The following IST1 variants were observed in gnomAD, a reference collection of about 807,000 sequenced individuals.
IST1 encodes the protein IST1 factor associated with ESCRT-III, also known as IST1 homolog.
In IST1, 23 loss-of-function variants were observed where a neutral mutation model predicts 37.0. That is an observed-to-expected ratio of 0.62 (90% confidence interval 0.45 to 0.88). The LOEUF is 0.88. Ranked by LOEUF, IST1 falls within the 40% of genes least tolerant of loss-of-function variation. The pLI is 0.00. For synonymous variants in IST1, 180 were observed against 161.7 expected (o/e 1.11, Z -0.86); for missense variants, 488 against 445.4 (o/e 1.10, Z -0.86).
chr16:71,924,125 A>G (rs2142597504), intron 8 of IST1: 1 of 455,894 alleles, frequency 2.2e-6, no homozygotes, highest in Non-Finnish European at 4.4e-6. Flanking sequence ...AGTTTTTCTT[A>G]TGCTTTGGTT....
rs1253477423 is a variant in IST1, at chr16:71,917,145, G to C, written c.357+11G>C. On this transcript the variant is annotated intron_variant, in intron 4 of 9. Transcript: ENST00000378799. ...GCTGAGTTGAAAATAGTGAGTACAA[G>C]TAGTTTCAGTGATGTCTGTAGCTTT... 14 of 1,522,036 alleles carry C rather than the reference G, an allele frequency of 9.2e-6. No homozygotes were observed. Among genetic ancestry groups the C allele is most frequent in the Non-Finnish European group, 1.3e-5 (14 of 1,100,024 alleles). The allele number at this position is 1,522,036 out of a possible 1,614,324, so 94.3% of individuals were successfully genotyped here. A position where few individuals can be genotyped will look rare whatever the true frequency, so the allele number is the denominator to read the frequency against.
rs1286120666 is a variant in IST1, at chr16:71,922,623, G to A, written c.702G>A (p.Met234Ile). The change falls in exon 7 of 10, where the codon ATG becomes ATA. Residue 234 changes from methionine (M) to isoleucine (I), a missense_variant. Coordinates refer to ENST00000378799, the MANE Select transcript of IST1 (RefSeq NM_001270975.2). Reference protein sequence around the residue: ...PDGTVPMPMPMPMPMPSANTP... With the variant: ...PDGTVPMPMPIPMPMPSANTP... ...GAACGGTGCCAATGCCCATGCCCATGCCCATGCCTATGCCATCTGCAAATA... is the reference window on the plus strand; with the variant it reads ...GAACGGTGCCAATGCCCATGCCCATACCCATGCCTATGCCATCTGCAAATA... 2.5e-6 allele frequency: 4 copies of A among 1,612,046 alleles called. No homozygotes were observed. The highest frequency in any genetic ancestry group is 1.1e-5 in the South Asian group (1 of 90,396).
chr16:71,920,730 T>A lies in IST1; in HGVS notation c.358-9T>A. The A allele has an allele frequency of 6.2e-7, 1 of 1,610,526 alleles. No homozygotes were observed. Among genetic ancestry groups the A allele is most frequent in the Non-Finnish European group, 8.5e-7 (1 of 1,176,738 alleles). On this transcript the variant is annotated splice_polypyrimidine_tract_variant and intron_variant, in intron 4 of 9. Transcript: ENST00000378799. ...CTCTATTTTTATTTGCTGTCCTTTT[T>A]CTTTTTAGGTTGCTGATCAGCTCTG... is the stretch of plus-strand genomic sequence containing the variant.
intron 1 of IST1, among the ~76,000 whole-genome samples, chr16:71,900,913 GAC>G (rs1425744348): frequency 6.6e-6 from 1 of 152,160 alleles, no homozygotes; most frequent in Non-Finnish European, 1.5e-5. Flanking sequence ...GTGAGTGAAT[GAC>G]AGTAAAGATG....
At chr16:71,927,136 A>T (rs912112202) in intron 9 of IST1, among the ~76,000 whole-genome samples, 1 of 152,164 alleles carries the variant, frequency 6.6e-6, no homozygotes, top group Non-Finnish European at 1.5e-5. Context: ...AGGAAAGTAA[A>T]ACAGGATTCA....
chr16:71,906,616 C>A (rs996344031), intron 1 of IST1, among the ~76,000 whole-genome samples: 3 of 152,192 alleles, frequency 2.0e-5, no homozygotes. Flanking sequence ...CAGACCTGGC[C>A]CGCAATTCTT....
intron 2 of IST1, 139 bp downstream of exon 2, chr16:71,915,867 G>C (rs1369890722): frequency 1.8e-6 from 1 of 569,662 alleles, no homozygotes; most frequent in Non-Finnish European, 3.1e-6. Context: ...GTCTCACTCT[G>C]TCGCCCAGGA....
At chr16:71,901,953 A>G (rs1269479723) in intron 1 of IST1, among the ~76,000 whole-genome samples, 1 of 152,232 alleles carries the variant, frequency 6.6e-6, no homozygotes, top group Non-Finnish European at 1.5e-5. Flanking sequence ...AAAAGATATA[A>G]AGCATGCCTT....
At chr16:71,925,316 A>ATTTTTTTT (rs772300347) in intron 9 of IST1, among the ~76,000 whole-genome samples, 1 of 78,820 alleles carries the variant, frequency 1.3e-5, no homozygotes, top group African/African-American at 4.7e-5. Context: ...CCCCCAGCTG[A>ATTTTTTTT]TTTTTTTTTT....
At position 71,922,560 on chromosome 16, in the gene IST1, G is replaced by T. The variant is rs761961740; in HGVS notation, c.639G>T (p.Gly213=). 32 of 1,614,064 alleles carry T rather than the reference G, an allele frequency of 2.0e-5. No individual in the cohort carries two copies. Among genetic ancestry groups the T allele is most frequent in the Non-Finnish European group, 2.5e-5 (29 of 1,180,012 alleles). Residue 213 remains glycine (G), a synonymous_variant, in exon 7 of 10, where the codon GGG becomes GGT. Coordinates refer to ENST00000378799, the MANE Select transcript of IST1 (RefSeq NM_001270975.2). The part of the protein sequence containing the change: ...DVKKGGPGRG[G]SGGFTAPVGG... ...AGAAAGGAGGCCCTGGAAGAGGAGGGAGTGGTGGCTTCACAGCACCAGTTG... is the reference window on the plus strand; with the variant it reads ...AGAAAGGAGGCCCTGGAAGAGGAGGTAGTGGTGGCTTCACAGCACCAGTTG...
intron 2 of IST1, 146 bp downstream of exon 2, chr16:71,915,874 A>C: frequency 3.6e-6 from 2 of 561,892 alleles, no homozygotes; most frequent in Non-Finnish European, 6.3e-6. Context: ...TCTGTCGCCC[A>C]GGATGGAGTG....
At chr16:71,912,459 G>C (rs1001759192) in intron 1 of IST1, among the ~76,000 whole-genome samples, 23 of 152,078 alleles carry the variant, frequency 1.5e-4, no homozygotes, top group Admixed American at 1.5e-3. Flanking sequence ...GGATGGTCTC[G>C]ATCTCCTGAC....
At chr16:71,916,440 C>T (rs201160658) in intron 2 of IST1, 22 bp from the exon 3 acceptor site, 14 of 1,609,082 alleles carry the variant, frequency 8.7e-6, no homozygotes, top group Non-Finnish European at 6.8e-6. Flanking sequence ...GCTGTGAGAT[C>T]GGAGTGGGAT....
At chr16:71,907,316 C>T (rs1436489469) in intron 1 of IST1, among the ~76,000 whole-genome samples, 9 of 145,470 alleles carry the variant, frequency 6.2e-5, no homozygotes, top group African/African-American at 1.8e-4. Context: ...CTCTCTCTGT[C>T]GCCCATGCTG....
At position 71,924,824 on chromosome 16, in the gene IST1, A is replaced by G; in HGVS notation, c.901+7A>G. ...TCTTCTGCACAGATTGTTGGTGAGT[A>G]GTATCAATCAGAAACCTGCAGAGCT... On this transcript the variant is annotated splice_region_variant and intron_variant, in intron 9 of 9. Transcript: ENST00000378799. 1 of 1,590,470 alleles carries G rather than the reference A, an allele frequency of 6.3e-7. No individual in the cohort carries two copies. Among genetic ancestry groups the G allele is most frequent in the Non-Finnish European group, 8.6e-7 (1 of 1,158,450 alleles).
At chr16:71,910,696 C>A (rs929915146) in intron 1 of IST1, among the ~76,000 whole-genome samples, 1 of 151,910 alleles carries the variant, frequency 6.6e-6, no homozygotes. Context: ...GGTCTTGAAA[C>A]GTAACCCTTG....
chr16:71,915,200 T>C (rs1038764229), intron 1 of IST1, among the ~76,000 whole-genome samples: 7 of 152,200 alleles, frequency 4.6e-5, no homozygotes, highest in African/African-American at 1.4e-4. Flanking sequence ...TTGCCATCCC[T>C]GTTGAGATTT....
chr16:71,899,540 C>T (rs1490162425), intron 1 of IST1, among the ~76,000 whole-genome samples: 2 of 152,136 alleles, frequency 1.3e-5, no homozygotes, highest in African/African-American at 4.8e-5. Flanking sequence ...AGTGGTCATA[C>T]CAAAATTTGT....
At chr16:71,907,618 A>G (rs887057772) in intron 1 of IST1, among the ~76,000 whole-genome samples, 6 of 152,034 alleles carry the variant, frequency 3.9e-5, no homozygotes, top group African/African-American at 1.4e-4. Flanking sequence ...TAAGACATTA[A>G]GACCCCTTGC....
Sources: gnomAD v4.1 joint callset for allele counts (sites outside exome capture counted in the v4.1 genomes callset) on GRCh38, gnomAD v4.1.1 for gene constraint, MANE v1.5 for transcripts, NCBI Gene and HGNC (gene_info 2026-07-23, HGNC 2026-07-21) for gene names.